FRMPD1: variants seen among roughly 807,000 people sequenced by gnomAD.
FRMPD1 encodes the protein FERM and PDZ domain-containing protein 1.
FRMPD1 carries 76 observed loss-of-function variants against 117.8 expected under a neutral mutation model. That is an observed-to-expected ratio of 0.65 (90% CI 0.54 to 0.78). FRMPD1 has a LOEUF of 0.78. Among genes scored for constraint, FRMPD1 ranks in the 30% least tolerant of loss-of-function variants. FRMPD1 has a pLI of 0.00. For missense variants in FRMPD1, 1,786 were observed against 1,964.5 expected (o/e 0.91, Z 1.72); for synonymous variants, 783 against 770.4 (o/e 1.02, Z -0.27).
At chr9:37,648,027 C>A (rs1301482169), upstream of FRMPD1, among the ~76,000 whole-genome samples, 1 of 152,136 alleles carries the variant, frequency 6.6e-6, no homozygotes, top group Non-Finnish European at 1.5e-5. Context: ...GTAGGGTAAT[C>A]CTCACCGCAT....
chr9:37,672,694 G>T (rs60006744), intron 1 of FRMPD1, among the ~76,000 whole-genome samples: 6,319 of 152,130 alleles, frequency 0.042, 230 homozygotes, highest in South Asian at 0.12. Flanking sequence ...ACATACCCGA[G>T]ACTGGGAAGA....
At chr9:37,741,164 C>T (rs1290785959) in intron 15 of FRMPD1, among the ~76,000 whole-genome samples, 1 of 152,006 alleles carries the variant, frequency 6.6e-6, no homozygotes, top group Non-Finnish European at 1.5e-5. Flanking sequence ...GGGCTGGGCC[C>T]TGTGGGAGGG....
intron 1 of FRMPD1, among the ~76,000 whole-genome samples, chr9:37,678,128 C>T (rs1476944150): frequency 6.6e-6 from 1 of 152,104 alleles, no homozygotes; most frequent in African/African-American, 2.4e-5. Flanking sequence ...AAGGGCAGAA[C>T]CCTAGAGCTC....
chr9:37,687,880 C>G (rs563685154), intron 1 of FRMPD1, among the ~76,000 whole-genome samples: 2 of 152,198 alleles, frequency 1.3e-5, no homozygotes, highest in African/African-American at 2.4e-5. Context: ...GAGTTCTGAT[C>G]TGGAAAGATA....
At position 37,733,710 on chromosome 9, in the gene FRMPD1, G is replaced by T. The variant is rs769322565; in HGVS notation, c.1123-20G>T. 4 of 1,531,266 alleles carry T rather than the reference G, an allele frequency of 2.6e-6. No individual in the cohort carries two copies. In the South Asian group the frequency reaches 4.5e-5, roughly 17 times the overall value. The allele number at this position is 1,531,266 out of a possible 1,614,324, so 94.9% of individuals were successfully genotyped here. ...CCAATGAATAACTCTGACTTCAAGTGTTTTTTTTTCTCTATTAAGCAACTT... is the reference window on the plus strand; with the variant it reads ...CCAATGAATAACTCTGACTTCAAGTTTTTTTTTTTCTCTATTAAGCAACTT... On this transcript the variant is annotated intron_variant, in intron 11 of 15. Transcript: ENST00000377765.
At chr9:37,669,603 C>G (rs141802917) in intron 1 of FRMPD1, among the ~76,000 whole-genome samples, 1 of 152,268 alleles carries the variant, frequency 6.6e-6, no homozygotes, top group African/African-American at 2.4e-5. Context: ...TCTGTTGCTG[C>G]TGCTAGCTTT....
At position 37,719,109 on chromosome 9, in the gene FRMPD1, C is replaced by T; in HGVS notation, c.449C>T (p.Ala150Val). The T allele has an allele frequency of 6.2e-7, 1 of 1,613,316 alleles. No individual in the cohort carries two copies. Among genetic ancestry groups the T allele is most frequent in the Non-Finnish European group, 8.5e-7 (1 of 1,179,258 alleles). The change falls in exon 6 of 16, where the codon GCC (alanine) becomes GTC (valine). Residue 150 changes from alanine (A) to valine (V), a missense_variant. Ala to Val is a moderately conservative substitution (Grantham distance 64). Coordinates refer to ENST00000377765, the MANE Select transcript of FRMPD1 (RefSeq NM_014907.3). ...KSSFLTEEKR[A>V]RLKTNPVKVH... is the part of the protein sequence containing the mutation. Reference sequence around the variant, plus strand: ...TCCTTCCTGACCGAGGAGAAGAGAGCCAGACTGAAGACCAACCCCGTGAAG... The same window carrying T: ...TCCTTCCTGACCGAGGAGAAGAGAGTCAGACTGAAGACCAACCCCGTGAAG...
intron 1 of FRMPD1, among the ~76,000 whole-genome samples, chr9:37,678,954 T>G (rs1208845840): frequency 6.6e-6 from 1 of 152,194 alleles, no homozygotes; most frequent in Non-Finnish European, 1.5e-5. Context: ...CATCAGCCTT[T>G]TAGGGCCCAG....
At chr9:37,741,112 AC>A in intron 15 of FRMPD1, 1 of 573,352 alleles carries the variant, frequency 1.7e-6, no homozygotes, top group South Asian at 2.1e-5. Flanking sequence ...GATTCATCCA[AC>A]AGTGGGAATC....
At chr9:37,676,370 G>A (rs1216872899) in intron 1 of FRMPD1, among the ~76,000 whole-genome samples, 3 of 152,020 alleles carry the variant, frequency 2.0e-5, no homozygotes, top group Admixed American at 1.3e-4. Context: ...TCATCTCTAT[G>A]TACTTTTAAA....
chr9:37,734,106 G>T (rs1220166675), intron 12 of FRMPD1, among the ~76,000 whole-genome samples: 1 of 152,232 alleles, frequency 6.6e-6, no homozygotes, highest in Non-Finnish European at 1.5e-5. Flanking sequence ...CATGAGACAG[G>T]TTCAGGCCTA....
chr9:37,717,380 TA>T (rs778346904), intron 5 of FRMPD1, among the ~76,000 whole-genome samples: 1,684 of 115,510 alleles, frequency 0.015, 27 homozygotes, highest in South Asian at 0.036. Flanking sequence ...TATATATATA[TA>T]TTTTTTTTTT....
chr9:37,631,293 A>G, the FRMPD1 span, among the ~76,000 whole-genome samples: 6 of 152,374 alleles, frequency 3.9e-5, no homozygotes, highest in East Asian at 1.9e-4. Context: ...GGTGAATGGC[A>G]TGGTACATAA....
upstream of FRMPD1, among the ~76,000 whole-genome samples, chr9:37,647,353 C>CA (rs894636750): frequency 1.5e-4 from 23 of 150,264 alleles, no homozygotes; most frequent in African/African-American, 4.6e-4. Context: ...ACTAAAAATA[C>CA]AAAAAAAAAT....
rs140918797 is a variant in FRMPD1, at chr9:37,690,487, G to C, written c.-4-2151G>C. ...TTTTTTATAATGCATGCTTTCCTTA[G>C]ATATTTATTGATAAGTAAGAGTAAA... On this transcript the variant is annotated intron_variant, in intron 1 of 15. Coordinates refer to ENST00000377765, the MANE Select transcript of FRMPD1 (RefSeq NM_014907.3). 7.9e-5 allele frequency among the ~76,000 whole-genome samples: 12 copies of C among 152,054 alleles called. No homozygotes were observed. The East Asian group carries it at 1.9e-3, about 24-fold the overall frequency.
At chr9:37,681,015 G>C (rs1381941473) in intron 1 of FRMPD1, among the ~76,000 whole-genome samples, 1 of 152,062 alleles carries the variant, frequency 6.6e-6, no homozygotes, top group African/African-American at 2.4e-5. Context: ...TTCGAGACCA[G>C]CTGGGGCAAC....
intron 1 of FRMPD1, among the ~76,000 whole-genome samples, chr9:37,659,179 C>T (rs1321570705): frequency 6.6e-6 from 1 of 152,156 alleles, no homozygotes; most frequent in African/African-American, 2.4e-5. Flanking sequence ...ACTTGGATAT[C>T]TTTTTAGGGT....
chr9:37,701,221 T>C (rs773846538), intron 2 of FRMPD1, among the ~76,000 whole-genome samples: 7 of 152,198 alleles, frequency 4.6e-5, no homozygotes, highest in Non-Finnish European at 8.8e-5. Context: ...ATGGATTCTG[T>C]TGAAACCCTG....
At chr9:37,649,643 T>C (rs998340434), upstream of FRMPD1, among the ~76,000 whole-genome samples, 1 of 152,118 alleles carries the variant, frequency 6.6e-6, no homozygotes, top group African/African-American at 2.4e-5. Context: ...CTGCTAGTCT[T>C]CCCCCACCGC....
Sources: allele counts gnomAD v4.1 joint callset (sites outside exome capture counted in the v4.1 genomes callset), GRCh38; gene constraint gnomAD v4.1.1; transcripts MANE v1.5; gene names NCBI Gene and HGNC (gene_info 2026-07-23, HGNC 2026-07-21).